The following GRIN2D variants were observed in gnomAD, a reference collection of about 807,000 sequenced individuals.
GRIN2D encodes glutamate receptor ionotropic, NMDA 2D.
A neutral mutation model predicts 103.2 loss-of-function variants in GRIN2D; 37 were observed. The observed-to-expected ratio is 0.36, with a 90% CI of 0.28 to 0.47. GRIN2D has a LOEUF of 0.47. Among genes scored for constraint, GRIN2D ranks in the 20% least tolerant of loss-of-function variants. GRIN2D has a pLI of 1.00. For missense variants in GRIN2D, 1,557 were observed against 1,910.6 expected (o/e 0.81, Z 3.45); for synonymous variants, 845 against 885.6 (o/e 0.95, Z 0.81).
chr19:48,433,001 G>A (rs1971177298), intron 11 of GRIN2D, among the ~76,000 whole-genome samples: 1 of 148,110 alleles, frequency 6.8e-6, no homozygotes, highest in Non-Finnish European at 1.5e-5. Flanking sequence ...ATGTTGGCCA[G>A]GCTGGTCTTG....
rs191363927 is a variant in GRIN2D, at chr19:48,438,651, A to G, written c.2253-3118A>G. On this transcript the variant is annotated intron_variant, in intron 11 of 13. Coordinates refer to ENST00000263269, the MANE Select transcript of GRIN2D (RefSeq NM_000836.4). ...GTTTCGCCATGTTGGCCAGGCTGGT[A>G]TCGAACTCCTGACCTCATGTGATCC... Among the ~76,000 whole-genome samples, 162 of 151,350 alleles carry G rather than the reference A, an allele frequency of 1.1e-3. 1 individual carries two copies. The highest frequency in any genetic ancestry group is 3.4e-3 in the African/African-American group (140 of 41,202).
Position 48,442,908 on chromosome 19 carries a change from G to T in GRIN2D, c.2982G>T (p.Pro994=). ...GCGCAGCCGGGCGCCCGCTGTCCCCGCCGGCCGCTCAGCCCCCGCAGAAGC... is the reference window on the plus strand; with the variant it reads ...GCGCAGCCGGGCGCCCGCTGTCCCCTCCGGCCGCTCAGCCCCCGCAGAAGC... ...PRGAAGRPLS[P]PAAQPPQKPP... Residue 994 remains proline, a synonymous_variant, in exon 14 of 14, where the codon CCG becomes CCT. Transcript: ENST00000263269. This position sits in a 1 kb window ranked among gnomAD's most constrained non-coding sequence, Gnocchi z 7.2. 1.8e-6 allele frequency: 2 copies of T among 1,101,556 alleles called. No homozygotes were observed. The highest frequency in any genetic ancestry group is 2.2e-6 in the Non-Finnish European group (2 of 905,734). The allele number at this position is 1,101,556 out of a possible 1,614,324, so 68.2% of individuals were successfully genotyped here.
chr19:48,397,282 TTCTC>T (rs962509096), intron 2 of GRIN2D, among the ~76,000 whole-genome samples: 5 of 151,990 alleles, frequency 3.3e-5, no homozygotes, highest in Non-Finnish European at 4.4e-5. Context: ...CCCCACTAAT[TTCTC>T]TCTTTCTCTC....
At chr19:48,408,468 C>T (rs1259288247) in intron 4 of GRIN2D, among the ~76,000 whole-genome samples, 6 of 151,738 alleles carry the variant, frequency 4.0e-5, no homozygotes, top group Non-Finnish European at 7.4e-5. Flanking sequence ...CACTGCAGTC[C>T]AGCCTGTGCA....
At chr19:48,434,841 A>G (rs1411828765) in intron 11 of GRIN2D, among the ~76,000 whole-genome samples, 1 of 152,076 alleles carries the variant, frequency 6.6e-6, no homozygotes, top group Non-Finnish European at 1.5e-5. Context: ...TCAGCCTCCC[A>G]AAGTGCTGGG....
Position 48,419,327 on chromosome 19 carries a change from T to C in GRIN2D, c.1829T>C (p.Val610Ala). The C allele has an allele frequency of 6.2e-7, 1 of 1,608,234 alleles. No homozygotes were observed. Among genetic ancestry groups the C allele is most frequent in the South Asian group, 1.1e-5 (1 of 91,036 alleles). ...TTCATCTTCGAGTACCTCAGTCCTG[T>C]TGGTTACAACCGCAGCCTGGCCACG... is the stretch of plus-strand genomic sequence containing the variant. Reference protein sequence around the residue: ...TVFIFEYLSPVGYNRSLATGK... With the variant: ...TVFIFEYLSPAGYNRSLATGK... Residue 610 changes from valine to alanine, a missense_variant, in exon 9 of 14, where the codon GTT becomes GCT. Physicochemically the swap from Val to Ala is moderately conservative, Grantham distance 64. Around this residue, in one of 7 missense-constraint regions of GRIN2D, gnomAD observed 197 missense variants for 334.1 expected, o/e 0.59. Transcript: ENST00000263269.
At chr19:48,438,593 C>T (rs908630745) in intron 11 of GRIN2D, among the ~76,000 whole-genome samples, 18 of 151,744 alleles carry the variant, frequency 1.2e-4, no homozygotes, top group Admixed American at 6.6e-4. Context: ...CCACCGTGCC[C>T]GGCCTAATTT....
intron 7 of GRIN2D, among the ~76,000 whole-genome samples, chr19:48,415,251 A>G (rs1318644127): frequency 6.6e-6 from 1 of 152,020 alleles, no homozygotes; most frequent in African/African-American, 2.4e-5. Context: ...GGCGCCTGTA[A>G]TCCCAGCTAC....
rs1205730390 is a variant in GRIN2D, at chr19:48,442,500, A to G, written c.2674-100A>G. On this transcript the variant is annotated intron_variant, in intron 13 of 13. Transcript: ENST00000263269. The surrounding 1 kb of genome is among the most constrained non-coding windows in gnomAD (Gnocchi z 7.2). ...GTGGATAGTGGGGAAGAGAGCGGGA[A>G]ACACAGGCGGGTAAATGGAGAGGAG... 3 of 1,504,064 alleles carry G rather than the reference A, an allele frequency of 2.0e-6. No homozygotes were observed. Among genetic ancestry groups the G allele is most frequent in the Admixed American group, 2.1e-5 (1 of 47,752 alleles). 93.2% of individuals were successfully genotyped at this position (1,504,064 alleles called of 1,614,324 possible).
At chr19:48,424,265 ATTTTTT>A (rs569050730) in intron 11 of GRIN2D, among the ~76,000 whole-genome samples, 20 of 101,370 alleles carry the variant, frequency 2.0e-4, no homozygotes, top group African/African-American at 6.2e-4. Context: ...AAAAAAAAAA[ATTTTTT>A]TTTTTTTTTT....
Position 48,442,273 on chromosome 19 carries a change from C to T in GRIN2D, c.2564C>T (p.Ala855Val), listed in dbSNP as rs1377932302. 1 of 1,614,112 alleles carries T rather than the reference C, an allele frequency of 6.2e-7. No homozygotes were observed. Among genetic ancestry groups the T allele is most frequent in the Non-Finnish European group, 8.5e-7 (1 of 1,179,996 alleles). ...GGCGTCTTCTACATGCTCCTGGTGG[C>T]CATGGGCCTGTCCCTGCTGGTCTTC... ...MAGVFYMLLV[A>V]MGLSLLVFAW... Residue 855 changes from alanine to valine, a missense_variant, in exon 13 of 14, where the codon GCC (alanine) becomes GTC (valine). Coordinates refer to ENST00000263269, the MANE Select transcript of GRIN2D (RefSeq NM_000836.4). This position sits in a 1 kb window ranked among gnomAD's most constrained non-coding sequence, Gnocchi z 7.2.
intron 11 of GRIN2D, among the ~76,000 whole-genome samples, chr19:48,434,313 G>T (rs1418785092): frequency 6.6e-6 from 1 of 151,894 alleles, no homozygotes; most frequent in Admixed American, 6.6e-5. Context: ...GAGTGCAGTG[G>T]TGTGATCTCA....
rs1413158289 is a variant in GRIN2D at position 48,414,351 on chromosome 19, ACT to A, written c.1201-17_1201-16del. 2 of 1,577,208 alleles carry A rather than the reference ACT, an allele frequency of 1.3e-6. No homozygotes were observed. The highest frequency in any genetic ancestry group is 1.7e-6 in the Non-Finnish European group (2 of 1,160,664). ...CCGGGAAGTCTTCCCAGGAAGCCTGACTCTCTTTCCCTTTGGCCAAGGTGGGC... is the reference window on the plus strand; with the variant it reads ...CCGGGAAGTCTTCCCAGGAAGCCTGACTCTTTCCCTTTGGCCAAGGTGGGC... On this transcript the variant is annotated intron_variant, in intron 5 of 13. Transcript: ENST00000263269. The surrounding 1 kb of genome is among the most constrained non-coding windows in gnomAD (Gnocchi z 4.6).
chr19:48,402,029 G>A (rs1317287080), intron 3 of GRIN2D, among the ~76,000 whole-genome samples: 1 of 151,912 alleles, frequency 6.6e-6, no homozygotes, highest in Non-Finnish European at 1.5e-5. Context: ...GAACTCAGGA[G>A]GTGGAGGTTG....
chr19:48,421,121 T>C lies in GRIN2D; in HGVS notation c.2092-664T>C, dbSNP rs974920768. Among the ~76,000 whole-genome samples the C allele has an allele frequency of 3.9e-5, 6 of 152,174 alleles. No homozygotes were observed. Among genetic ancestry groups the C allele is most frequent in the Non-Finnish European group, 8.8e-5 (6 of 68,034 alleles). On this transcript the variant is annotated intron_variant, in intron 10 of 13. Transcript: ENST00000263269. This position sits in a 1 kb window ranked among gnomAD's most constrained non-coding sequence, Gnocchi z 4.8. ...AGTTGCCTGCATCTTATGTATAAGT[T>C]TGGTTTTACAAAACTTGTTTTAGTT...
chr19:48,400,028 G>C lies in GRIN2D; in HGVS notation c.465+1171G>C, dbSNP rs145346739. Among the ~76,000 whole-genome samples the C allele has an allele frequency of 4.6e-5, 7 of 152,316 alleles. No individual in the cohort carries two copies. In the East Asian group the frequency reaches 1.2e-3, roughly 25 times the overall value. On this transcript the variant is annotated intron_variant, in intron 3 of 13. Coordinates refer to ENST00000263269, the MANE Select transcript of GRIN2D (RefSeq NM_000836.4). ...GAGTCCAGAGGATGGGCAGGAGGATGAAGGCTTATGGTGGAGGCCGACCCA... is the reference window on the plus strand; with the variant it reads ...GAGTCCAGAGGATGGGCAGGAGGATCAAGGCTTATGGTGGAGGCCGACCCA...
Position 48,405,364 on chromosome 19 carries a change from C to A in GRIN2D, c.1085+11C>A. On this transcript the variant is annotated intron_variant, in intron 4 of 13. Coordinates refer to ENST00000263269, the MANE Select transcript of GRIN2D (RefSeq NM_000836.4). This position sits in a 1 kb window ranked among gnomAD's most constrained non-coding sequence, Gnocchi z 5.1. The stretch of plus-strand genomic sequence containing the variant: ...CGAGAGTCTGCATAGGTGAGTGGGG[C>A]TGGAATGGGAGGGGTGTGGGAGGGC... The A allele has an allele frequency of 1.3e-6, 2 of 1,542,512 alleles. No homozygotes were observed. The highest frequency in any genetic ancestry group is 1.2e-5 in the South Asian group (1 of 83,342).
In GRIN2D at chr19:48,442,989, C is replaced by G; in HGVS notation, c.3063C>G (p.Ala1021=). The change falls in exon 14 of 14, where the codon GCC becomes GCG. Residue 1021 remains alanine (A), a synonymous_variant. Transcript: ENST00000263269. The surrounding 1 kb of genome is among the most constrained non-coding windows in gnomAD (Gnocchi z 7.2). ...ACAAGGAGCCAGCCGAGCCCCCCGC[C>G]GGCGCCTTCCCCGGCTTCCCGTCGC... ...VRDKEPAEPP[A]GAFPGFPSPP... The G allele has an allele frequency of 9.1e-7, 1 of 1,102,290 alleles. No individual in the cohort carries two copies. Among genetic ancestry groups the G allele is most frequent in the South Asian group, 3.0e-5 (1 of 33,456 alleles). The allele number at this position is 1,102,290 out of a possible 1,614,324, so 68.3% of individuals were successfully genotyped here.
At position 48,398,656 on chromosome 19, in the gene GRIN2D, G is replaced by C. The variant is rs1478143173; in HGVS notation, c.264G>C (p.Ala88=). The change falls in exon 3 of 14, where the codon GCG becomes GCC. Residue 88 remains alanine (A), a synonymous_variant. Coordinates refer to ENST00000263269, the MANE Select transcript of GRIN2D (RefSeq NM_000836.4). ...CGGGCCTAGACGTGCGGCCCGTGGCGCTGGTGCTCAACGGCTCGGACCCGC... is the reference window on the plus strand; with the variant it reads ...CGGGCCTAGACGTGCGGCCCGTGGCCCTGGTGCTCAACGGCTCGGACCCGC... ...RSPGLDVRPV[A]LVLNGSDPRS... The C allele has an allele frequency of 4.2e-6, 6 of 1,442,166 alleles. No individual in the cohort carries two copies. Among genetic ancestry groups the C allele is most frequent in the Non-Finnish European group, 4.5e-6 (5 of 1,098,924 alleles). The allele number at this position is 1,442,166 out of a possible 1,614,324, so 89.3% of individuals were successfully genotyped here.
Sources: allele counts gnomAD v4.1 joint callset (sites outside exome capture counted in the v4.1 genomes callset), GRCh38; gene constraint gnomAD v4.1.1; regional missense constraint gnomAD v4.1.1; non-coding constraint Gnocchi (gnomAD v3.1); transcripts MANE v1.5; gene names NCBI Gene and HGNC (gene_info 2026-07-23, HGNC 2026-07-21).